CPT1A: variants seen among roughly 807,000 people sequenced by gnomAD.
CPT1A encodes the protein carnitine O-palmitoyltransferase 1, liver isoform.
Under a neutral mutation model 100.8 loss-of-function variants are expected in CPT1A, and 64 were observed. The ratio of observed to expected loss-of-function variants is 0.63; its 90% confidence interval spans 0.52 to 0.78. CPT1A has a LOEUF of 0.78. CPT1A is among the 30% of genes least tolerant of loss of function. The pLI, the probability that CPT1A is intolerant of heterozygous loss-of-function variation, is 0.00. For synonymous variants in CPT1A, 363 were observed against 396.0 expected (o/e 0.92, Z 0.99); for missense variants, 802 against 1,034.1 (o/e 0.78, Z 3.08).
At chr11:68,761,174 T>C (rs1265658961) in intron 16 of CPT1A, among the ~76,000 whole-genome samples, 1 of 151,220 alleles carries the variant, frequency 6.6e-6, no homozygotes, top group Non-Finnish European at 1.5e-5. Context: ...TAAGACCCTG[T>C]CTCAAAAAAC....
chr11:68,794,789 A>T lies in CPT1A; in HGVS notation c.879+15T>A. 2 of 1,597,968 alleles carry T rather than the reference A, an allele frequency of 1.3e-6. No homozygotes were observed. Among genetic ancestry groups the T allele is most frequent in the Non-Finnish European group, 1.7e-6 (2 of 1,165,310 alleles). The stretch of plus-strand genomic sequence containing the variant: ...TGTTTGAAAATAATTTTTTTAAAGC[A>T]ATTTGTTTGCCTACTGGTTTGATTT... On this transcript the variant is annotated intron_variant, in intron 8 of 18. Coordinates refer to ENST00000265641, the MANE Select transcript of CPT1A (RefSeq NM_001876.4).
chr11:68,840,876 C>A (rs1857142354), intron 1 of CPT1A, among the ~76,000 whole-genome samples: 1 of 152,194 alleles, frequency 6.6e-6, no homozygotes, highest in African/African-American at 2.4e-5. Flanking sequence ...CCACGTGACA[C>A]CCCCACCCTC....
At chr11:68,842,132 G>A (rs975344568), upstream of CPT1A, among the ~76,000 whole-genome samples, 1 of 152,178 alleles carries the variant, frequency 6.6e-6, no homozygotes, top group African/African-American at 2.4e-5. Context: ...CGTAAAACGA[G>A]CCATCTCGTG....
At chr11:68,799,166 G>T (rs1855833002) in intron 6 of CPT1A, 52 bp downstream of exon 6, 6 of 1,338,076 alleles carry the variant, frequency 4.5e-6, no homozygotes, top group Non-Finnish European at 5.2e-6. Flanking sequence ...CTCAAAATTA[G>T]CGTCTTCATA....
At chr11:68,796,830 A>G in intron 7 of CPT1A, 26 bp downstream of exon 7, 1 of 1,611,648 alleles carries the variant, frequency 6.2e-7, no homozygotes, top group Middle Eastern at 1.7e-4. Flanking sequence ...TCCTCGTCAG[A>G]CAGCAGCCCG....
intron 1 of CPT1A, among the ~76,000 whole-genome samples, chr11:68,834,748 A>C (rs1384186153): frequency 6.6e-6 from 1 of 152,066 alleles, no homozygotes; most frequent in African/African-American, 2.4e-5. Flanking sequence ...CTTACCAAGT[A>C]CTGTAAAAAT....
intron 4 of CPT1A, among the ~76,000 whole-genome samples, chr11:68,805,311 C>T (rs1040469810): frequency 6.6e-6 from 1 of 151,854 alleles, no homozygotes; most frequent in Admixed American, 6.6e-5. Flanking sequence ...ATTAGCTGGG[C>T]GTGGTGGTGT....
chr11:68,799,205 T>C lies in CPT1A; in HGVS notation c.693+13A>G, dbSNP rs964929033. ...AAAAATTTCATCAAGAAAAACTGTGTATACAGACTTACGTAATTTGTAGCC... is the reference window on the plus strand; with the variant it reads ...AAAAATTTCATCAAGAAAAACTGTGCATACAGACTTACGTAATTTGTAGCC... On this transcript the variant is annotated intron_variant, in intron 6 of 18. Transcript: ENST00000265641. 1 of 1,611,398 alleles carries C rather than the reference T, an allele frequency of 6.2e-7. No homozygotes were observed. Among genetic ancestry groups the C allele is most frequent in the African/African-American group, 1.3e-5 (1 of 74,802 alleles).
chr11:68,827,987 G>A (rs1332526389), intron 1 of CPT1A, among the ~76,000 whole-genome samples: 1 of 152,118 alleles, frequency 6.6e-6, no homozygotes, highest in East Asian at 1.9e-4. Flanking sequence ...TTTCACTGTT[G>A]CAAACAAAGA....
At chr11:68,823,009 T>C (rs1394949188) in intron 1 of CPT1A, among the ~76,000 whole-genome samples, 1 of 152,080 alleles carries the variant, frequency 6.6e-6, no homozygotes, top group Non-Finnish European at 1.5e-5. Context: ...AAATTGATTG[T>C]GGTGATAGTT....
intron 13 of CPT1A, 28 bp downstream of exon 13, chr11:68,775,288 T>C (rs150805209): frequency 1.1e-5 from 17 of 1,546,758 alleles, no homozygotes; most frequent in Middle Eastern, 1.7e-4. Flanking sequence ...CCCAGGTAAG[T>C]AACAATGGTT....
intron 10 of CPT1A, 113 bp downstream of exon 10, chr11:68,784,702 G>A (rs934012135): frequency 1.7e-5 from 18 of 1,034,742 alleles, no homozygotes; most frequent in Non-Finnish European, 8.6e-6. Context: ...AAACAGAGCC[G>A]AGGTGGGGAG....
intron 1 of CPT1A, among the ~76,000 whole-genome samples, chr11:68,827,845 T>C (rs750325682): frequency 7.2e-5 from 11 of 152,146 alleles, no homozygotes; most frequent in Non-Finnish European, 1.6e-4. Context: ...TTGCTTCTCG[T>C]CCACATTGAG....
intron 1 of CPT1A, among the ~76,000 whole-genome samples, chr11:68,831,252 C>A (rs1230577571): frequency 1.3e-5 from 2 of 152,136 alleles, no homozygotes; most frequent in African/African-American, 4.8e-5. Flanking sequence ...GTCCCTATGC[C>A]CTTTGAGCAA....
intron 9 of CPT1A, 27 bp from the exon 10 acceptor site, chr11:68,785,037 A>C (rs1394293349): frequency 1.2e-6 from 2 of 1,609,806 alleles, no homozygotes; most frequent in African/African-American, 1.3e-5. Context: ...TTGGAGACAC[A>C]AAACCAAGAG....
At chr11:68,785,306 T>G (rs567894394) in intron 9 of CPT1A, among the ~76,000 whole-genome samples, 8 of 152,176 alleles carry the variant, frequency 5.3e-5, no homozygotes, top group African/African-American at 1.9e-4. Flanking sequence ...GGCTCACGCC[T>G]GTAATCCCAG....
At chr11:68,814,417 C>T (rs903000918) in intron 2 of CPT1A, among the ~76,000 whole-genome samples, 2 of 152,124 alleles carry the variant, frequency 1.3e-5, no homozygotes, top group African/African-American at 4.8e-5. Flanking sequence ...TGCCATTCTC[C>T]TGCCTCAGCC....
chr11:68,815,614 T>C (rs902670036), intron 1 of CPT1A, 127 bp from the exon 2 acceptor site: 6 of 921,638 alleles, frequency 6.5e-6, no homozygotes, highest in African/African-American at 3.3e-5. Context: ...TTAATACTTT[T>C]CATCAACAGA....
chr11:68,757,605 C>T lies in CPT1A; in HGVS notation c.*39G>A, dbSNP rs909623352. The T allele has an allele frequency of 1.2e-6, 2 of 1,614,024 alleles. No individual in the cohort carries two copies. The highest frequency in any genetic ancestry group is 8.5e-7 in the Non-Finnish European group (1 of 1,179,982). On this transcript the variant is annotated 3_prime_UTR_variant, in exon 19 of 19. Transcript: ENST00000265641. ...TGCCTATTTTTCATTTGGTTTGCAT[C>T]AGAAGAGCTCGTTTTCCTTCCCAGC...
Sources: allele counts gnomAD v4.1 joint callset (sites outside exome capture counted in the v4.1 genomes callset), GRCh38; gene constraint gnomAD v4.1.1; transcripts MANE v1.5; gene names NCBI Gene and HGNC (gene_info 2026-07-23, HGNC 2026-07-21).